The following CELF2 variants were observed in gnomAD, a reference collection of about 807,000 sequenced individuals.
CELF2 encodes the protein CUG triplet repeat RNA-binding protein 2.
In CELF2, 8 loss-of-function variants were observed where a neutral mutation model predicts 62.6. That is an observed-to-expected ratio of 0.13 (90% confidence interval 0.07 to 0.23). The LOEUF (loss-of-function observed/expected upper bound fraction) is 0.23. Ranked by LOEUF, CELF2 falls within the 10% of genes least tolerant of loss-of-function variation. The pLI is 1.00. For synonymous variants in CELF2, 258 were observed against 250.0 expected (o/e 1.03, Z -0.30); for missense variants, 333 against 671.0 (o/e 0.50, Z 5.56).
At chr10:10,896,976 G>A (rs905428912) in intron 1 of CELF2, among the ~76,000 whole-genome samples, 3 of 152,166 alleles carry the variant, frequency 2.0e-5, no homozygotes, top group African/African-American at 4.8e-5. Flanking sequence ...GAAATGGGGT[G>A]CTATTGTGCA....
intron 1 of CELF2, among the ~76,000 whole-genome samples, chr10:11,025,876 C>A (rs1236139560): frequency 1.3e-5 from 2 of 152,250 alleles, no homozygotes; most frequent in Non-Finnish European, 2.9e-5. Flanking sequence ...TGGATTAACT[C>A]TGATGAAGGG....
the CELF2 span, among the ~76,000 whole-genome samples, chr10:10,655,343 A>C: frequency 0.21 from 23,278 of 112,832 alleles, 3,483 homozygotes; most frequent in South Asian, 0.39. Flanking sequence ...GCTACCAATG[A>C]CTTTCTTCAC....
chr10:11,048,452 A>C (rs1391582922), intron 1 of CELF2, among the ~76,000 whole-genome samples: 1 of 152,230 alleles, frequency 6.6e-6, no homozygotes, highest in Non-Finnish European at 1.5e-5. Context: ...AGGGTATTGT[A>C]GTTTAACTTT....
At chr10:10,999,761 T>G (rs1010010669) in intron 2 of CELF2, among the ~76,000 whole-genome samples, 1 of 152,214 alleles carries the variant, frequency 6.6e-6, no homozygotes, top group Non-Finnish European at 1.5e-5. Context: ...TCCACTCCAC[T>G]GTGGTCTTTA....
At chr10:11,144,669 G>C (rs1395761314) in intron 1 of CELF2, among the ~76,000 whole-genome samples, 1 of 151,768 alleles carries the variant, frequency 6.6e-6, no homozygotes, top group East Asian at 1.9e-4. Flanking sequence ...CGAGGCAGGA[G>C]GATCACTTGA....
chr10:10,742,884 A>T, the CELF2 span, among the ~76,000 whole-genome samples: 1 of 152,236 alleles, frequency 6.6e-6, no homozygotes, highest in African/African-American at 2.4e-5. Context: ...CTTCATGAGA[A>T]GGAGAAATTC....
At chr10:11,152,810 G>C (rs1280139024) in intron 1 of CELF2, among the ~76,000 whole-genome samples, 3 of 152,138 alleles carry the variant, frequency 2.0e-5, no homozygotes, top group Non-Finnish European at 2.9e-5. Flanking sequence ...AATTTCAGTA[G>C]CACCTGTTTG....
At chr10:10,956,549 C>T (rs1252018910) in intron 2 of CELF2, among the ~76,000 whole-genome samples, 2 of 152,196 alleles carry the variant, frequency 1.3e-5, no homozygotes, top group East Asian at 3.8e-4. Context: ...TCACTGTTAA[C>T]TTCTCTACCA....
At chr10:10,503,404 G>GTGCTTGA in the CELF2 span, among the ~76,000 whole-genome samples, 2 of 151,860 alleles carry the variant, frequency 1.3e-5, no homozygotes, top group Admixed American at 1.3e-4. Flanking sequence ...TTGCAACCCT[G>GTGCTTGA]TGCTTGATGT....
At chr10:10,470,837 G>A in the CELF2 span, among the ~76,000 whole-genome samples, 1 of 150,980 alleles carries the variant, frequency 6.6e-6, no homozygotes, top group Non-Finnish European at 1.5e-5. Context: ...AGCATGGACA[G>A]CTTTGGGAAT....
chr10:11,093,654 G>T (rs1444191008), intron 1 of CELF2, among the ~76,000 whole-genome samples: 1 of 152,102 alleles, frequency 6.6e-6, no homozygotes, highest in South Asian at 2.1e-4. Context: ...CTATAAAATA[G>T]TTCAGCAATT....
chr10:10,954,461 A>G (rs1479184203), intron 2 of CELF2, among the ~76,000 whole-genome samples: 1 of 152,006 alleles, frequency 6.6e-6, no homozygotes, highest in Non-Finnish European at 1.5e-5. Flanking sequence ...TTGGTCAGGC[A>G]GGTCCCGAAC....
the CELF2 span, among the ~76,000 whole-genome samples, chr10:10,584,991 C>T: frequency 1.3e-5 from 2 of 151,556 alleles, no homozygotes; most frequent in East Asian, 3.9e-4. Context: ...GGGTGGATCA[C>T]TAAAGCAAAA....
upstream of CELF2, among the ~76,000 whole-genome samples, chr10:11,003,808 T>G (rs1411478708): frequency 1.3e-5 from 2 of 152,274 alleles, no homozygotes; most frequent in East Asian, 3.9e-4. The surrounding 1 kb of genome is among the most constrained non-coding windows in gnomAD (Gnocchi z 4.4). Context: ...ATATATTCAC[T>G]GTAACTTTCA....
intron 2 of CELF2, among the ~76,000 whole-genome samples, chr10:11,202,941 CTCTCTCTCTCTGTGTG>C (rs768190263): frequency 0.045 from 4,086 of 90,036 alleles, 142 homozygotes; most frequent in African/African-American, 0.094. Flanking sequence ...CTCTCTCTCT[CTCTCTCTCTCTGTGTG>C]TGTGTGTGTG....
At chr10:10,465,502 C>T in the CELF2 span, among the ~76,000 whole-genome samples, 64 of 152,118 alleles carry the variant, frequency 4.2e-4, no homozygotes, top group Non-Finnish European at 5.3e-4. Context: ...TTTTCTATTT[C>T]CTGTGTTTTT....
chr10:10,778,498 A>T, the CELF2 span, among the ~76,000 whole-genome samples: 1 of 152,226 alleles, frequency 6.6e-6, no homozygotes. Flanking sequence ...AGCTCAAAAA[A>T]TAAATAAAGT....
the CELF2 span, among the ~76,000 whole-genome samples, chr10:10,642,170 AG>A: frequency 6.6e-6 from 1 of 152,258 alleles, no homozygotes; most frequent in Non-Finnish European, 1.5e-5. Context: ...TGCTTTTGCA[AG>A]GATATTTATA....
chr10:10,529,076 TA>T, the CELF2 span, among the ~76,000 whole-genome samples: 1 of 152,234 alleles, frequency 6.6e-6, no homozygotes, highest in Admixed American at 6.5e-5. Context: ...GTCTACAATT[TA>T]AATATGTATG....
Sources: allele counts gnomAD v4.1 joint callset (sites outside exome capture counted in the v4.1 genomes callset), GRCh38; gene constraint gnomAD v4.1.1; non-coding constraint Gnocchi (gnomAD v3.1); transcripts MANE v1.5; gene names NCBI Gene and HGNC (gene_info 2026-07-23, HGNC 2026-07-21).